Variants in TEX11 observed in about 807,000 individuals in gnomAD.
TEX11 encodes testis-expressed protein 11.
In TEX11, 7 loss-of-function variants were observed where a neutral mutation model predicts 84.4. That is an observed-to-expected ratio of 0.08 (90% confidence interval 0.05 to 0.16). TEX11 has a LOEUF of 0.16. Ranked by LOEUF, TEX11 falls within the 10% of genes least tolerant of loss-of-function variation. The pLI is 1.00. For synonymous variants in TEX11, 264 were observed against 222.8 expected (o/e 1.18, Z -1.64); for missense variants, 551 against 660.5 (o/e 0.83, Z 1.82).
chrX:70,595,703 A>G (rs2088997163), intron 24 of TEX11, among the ~76,000 whole-genome samples: 1 of 111,877 alleles, frequency 8.9e-6, no homozygotes, highest in Non-Finnish European at 1.9e-5. Context: ...AAAAGAAAAG[A>G]GTAAAGGAGA....
downstream of TEX11, among the ~76,000 whole-genome samples, chrX:70,524,635 G>A (rs189795016): frequency 7.5e-4 from 84 of 112,505 alleles, no homozygotes; most frequent in African/African-American, 2.6e-3. Flanking sequence ...GCACGATCTC[G>A]GCTCACTGTA....
intron 5 of TEX11, among the ~76,000 whole-genome samples, chrX:70,859,768 C>A (rs1309051008): frequency 9.0e-6 from 1 of 110,968 alleles, no homozygotes; most frequent in Non-Finnish European, 1.9e-5. Context: ...GTAATCCCAG[C>A]ACTTTGGGAG....
chrX:70,744,948 G>A (rs755494046), intron 9 of TEX11, among the ~76,000 whole-genome samples: 21 of 106,972 alleles, frequency 2.0e-4, no homozygotes, highest in Admixed American at 4.1e-4. Context: ...CTCGAACTCC[G>A]GAGCTCAAGT....
chrX:70,776,935 C>A (rs1304379057), intron 9 of TEX11, among the ~76,000 whole-genome samples: 1 of 111,393 alleles, frequency 9.0e-6, no homozygotes, highest in Non-Finnish European at 1.9e-5. Context: ...GTGATGGATA[C>A]CCCAAATACC....
chrX:70,661,338 G>A (rs7876783), intron 16 of TEX11, among the ~76,000 whole-genome samples: 31,778 of 111,335 alleles, frequency 0.29, 3,390 homozygotes, highest in Admixed American at 0.41. Context: ...AGGGGCGCCC[G>A]CCATTGCCCA....
intron 28 of TEX11, among the ~76,000 whole-genome samples, chrX:70,537,033 G>A (rs975531997): frequency 1.8e-5 from 2 of 111,588 alleles, no homozygotes; most frequent in Admixed American, 9.6e-5. Context: ...AAATGCCTCA[G>A]GAAGTAGAAG....
At chrX:70,671,102 G>A (rs1054716538) in intron 15 of TEX11, among the ~76,000 whole-genome samples, 19 of 111,620 alleles carry the variant, frequency 1.7e-4, no homozygotes, top group African/African-American at 6.2e-4. Context: ...TAGTGAATTT[G>A]CAGGGTTTTT....
intron 11 of TEX11, among the ~76,000 whole-genome samples, chrX:70,737,683 A>AC (rs61404791): frequency 1.4e-3 from 138 of 101,773 alleles, no homozygotes; most frequent in African/African-American, 2.8e-3. Flanking sequence ...TATTTAAAAT[A>AC]CCCCCCCCCC....
intron 17 of TEX11, 97 bp from the exon 18 acceptor site, chrX:70,629,832 T>C: frequency 1.5e-6 from 1 of 674,641 alleles, no homozygotes; most frequent in Non-Finnish European, 2.1e-6. Flanking sequence ...GAACTTATTT[T>C]AAGAACATTT....
chrX:70,830,330 T>A (rs1376318635), intron 8 of TEX11, among the ~76,000 whole-genome samples: 2 of 111,899 alleles, frequency 1.8e-5, no homozygotes, highest in Non-Finnish European at 3.8e-5. Context: ...CAATTTTACA[T>A]ACACATGCAC....
intron 15 of TEX11, among the ~76,000 whole-genome samples, chrX:70,676,818 C>T (rs776648248): frequency 3.1e-4 from 35 of 111,583 alleles, no homozygotes; most frequent in Non-Finnish European, 6.2e-4. Context: ...TTTGCTATAA[C>T]TTCAAATTCA....
intron 28 of TEX11, among the ~76,000 whole-genome samples, chrX:70,530,238 G>T (rs775589914): frequency 1.1e-4 from 12 of 111,540 alleles, no homozygotes; most frequent in Non-Finnish European, 2.3e-4. Context: ...CTGACTGAAG[G>T]AAAGAATTAG....
intron 9 of TEX11, among the ~76,000 whole-genome samples, chrX:70,746,362 G>A (rs1429749939): frequency 1.8e-5 from 2 of 111,308 alleles, no homozygotes; most frequent in Non-Finnish European, 3.8e-5. Flanking sequence ...TTAGGGTAAG[G>A]ATTCTACCCC....
Position 70,792,099 on chromosome X carries a change from C to T in TEX11, c.692+14606G>A, listed in dbSNP as rs1283974073. ...GAGATTGCGCCATTGCACTCCAGCA[C>T]GGGCAACAAGAGCAAAACTCCGTCT... On this transcript the variant is annotated intron_variant, in intron 9 of 29. Transcript: ENST00000374333. Among the ~76,000 whole-genome samples the T allele has an allele frequency of 1.3e-4, 11 of 87,225 alleles. 1 individual carries two copies. In the South Asian group the frequency reaches 3.7e-3, roughly 29 times the overall value. The allele number at this position is 87,225 out of a possible 115,157, so 75.7% of individuals were successfully genotyped here.
At chrX:70,582,524 T>A (rs2088789562) in intron 25 of TEX11, among the ~76,000 whole-genome samples, 1 of 111,394 alleles carries the variant, frequency 9.0e-6, no homozygotes, top group African/African-American at 3.3e-5. Flanking sequence ...TTATTCTTCA[T>A]CTTCTGTGTA....
the TEX11 span, among the ~76,000 whole-genome samples, chrX:70,519,754 A>G: frequency 1.8e-5 from 2 of 111,970 alleles, no homozygotes; most frequent in African/African-American, 6.5e-5. Context: ...AGGTACACCA[A>G]TCAAACGTAG....
At chrX:70,605,134 G>T (rs1187736271) in intron 24 of TEX11, among the ~76,000 whole-genome samples, 4 of 111,691 alleles carry the variant, frequency 3.6e-5, no homozygotes, top group Admixed American at 2.9e-4. Flanking sequence ...GAAGATAAAA[G>T]ATATTTAAAA....
the TEX11 span, among the ~76,000 whole-genome samples, chrX:70,511,948 A>C: frequency 9.5e-6 from 1 of 105,362 alleles, no homozygotes; most frequent in Non-Finnish European, 1.9e-5. Context: ...TGCCACTCCT[A>C]AGCTCAAACT....
intron 8 of TEX11, among the ~76,000 whole-genome samples, chrX:70,832,935 T>A (rs934297249): frequency 2.7e-5 from 3 of 111,889 alleles, no homozygotes; most frequent in African/African-American, 9.7e-5. Context: ...GTTATCAAAA[T>A]GATTTGACAA....
Sources: gnomAD v4.1 joint callset for allele counts (sites outside exome capture counted in the v4.1 genomes callset) on GRCh38, gnomAD v4.1.1 for gene constraint, MANE v1.5 for transcripts, NCBI Gene and HGNC (gene_info 2026-07-23, HGNC 2026-07-21) for gene names.